SHLD1: variants seen among roughly 807,000 people sequenced by gnomAD.
SHLD1 encodes the protein RINN1-REV7-interacting novel NHEJ regulator 3.
In SHLD1, 3 loss-of-function variants were observed where a neutral mutation model predicts 5.5. That is an observed-to-expected ratio of 0.54 (90% CI 0.25 to 1.40). The LOEUF (loss-of-function observed/expected upper bound fraction) is 1.40. Ranked by LOEUF, SHLD1 falls within the 40% of genes most tolerant of loss-of-function variation. The pLI is 0.15. For missense variants in SHLD1, 210 were observed against 244.4 expected (o/e 0.86, Z 0.94); for synonymous variants, 92 against 94.3 (o/e 0.98, Z 0.14).
intron 2 of SHLD1, among the ~76,000 whole-genome samples, chr20:5,785,713 T>C (rs150837334): frequency 0.027 from 4,156 of 151,374 alleles, 188 homozygotes; most frequent in African/African-American, 0.095. Flanking sequence ...GGAGAATTGC[T>C]TGAACCCGGG....
chr20:5,856,390 G>A (rs1406451774), intron 2 of SHLD1, among the ~76,000 whole-genome samples: 1 of 152,202 alleles, frequency 6.6e-6, no homozygotes, highest in Non-Finnish European at 1.5e-5. Flanking sequence ...GCTGGAGGTG[G>A]GACTGAATCT....
chr20:5,753,858 G>T (rs1021705601), intron 1 of SHLD1, among the ~76,000 whole-genome samples: 1 of 152,080 alleles, frequency 6.6e-6, no homozygotes, highest in Non-Finnish European at 1.5e-5. Context: ...TGCCCCAAAT[G>T]GGGGAGATCC....
intron 2 of SHLD1, among the ~76,000 whole-genome samples, chr20:5,853,018 G>A (rs995702993): frequency 5.3e-5 from 8 of 152,112 alleles, no homozygotes; most frequent in African/African-American, 1.7e-4. Context: ...AAACATACAG[G>A]AAAGAGGTCT....
At chr20:5,838,277 T>C (rs2087813724) in intron 2 of SHLD1, among the ~76,000 whole-genome samples, 1 of 152,176 alleles carries the variant, frequency 6.6e-6, no homozygotes, top group South Asian at 2.1e-4. Context: ...ATGAGCATAT[T>C]AATTAGACAT....
At chr20:5,828,190 G>A (rs1241844871) in intron 2 of SHLD1, among the ~76,000 whole-genome samples, 1 of 152,080 alleles carries the variant, frequency 6.6e-6, no homozygotes, top group Non-Finnish European at 1.5e-5. Context: ...GACACCCTTT[G>A]TGTCACTTAT....
chr20:5,777,922 A>G (rs1282895588), intron 2 of SHLD1, among the ~76,000 whole-genome samples: 5 of 152,094 alleles, frequency 3.3e-5, no homozygotes, highest in African/African-American at 1.2e-4. Flanking sequence ...ATACTATTTT[A>G]TTCAAACTTA....
chr20:5,752,332 G>T (rs1450615070), intron 1 of SHLD1, among the ~76,000 whole-genome samples: 1 of 151,380 alleles, frequency 6.6e-6, no homozygotes, highest in African/African-American at 2.4e-5. Flanking sequence ...GGAGACAAAG[G>T]TTGCAGTGAG....
intron 2 of SHLD1, among the ~76,000 whole-genome samples, chr20:5,860,891 A>T (rs1396390482): frequency 4.2e-5 from 5 of 119,758 alleles, no homozygotes; most frequent in African/African-American, 2.1e-4. Context: ...AAAAAAAAAA[A>T]AAAAAAAAAA....
chr20:5,778,059 C>T lies in SHLD1; in HGVS notation c.178+5016C>T, dbSNP rs114105911. Among the ~76,000 whole-genome samples, 817 of 150,636 alleles carry T rather than the reference C, an allele frequency of 5.4e-3. 10 individuals are homozygous for T. The highest frequency in any genetic ancestry group is 0.019 in the African/African-American group (773 of 41,036). On this transcript the variant is annotated intron_variant, in intron 2 of 2. Coordinates refer to ENST00000303142, the MANE Select transcript of SHLD1 (RefSeq NM_152504.4). ...CAGGGCTGTGAGTGGTGGCTCATGC[C>T]TGTTATCTGGCATATCTGGTATATT...
intron 1 of SHLD1, among the ~76,000 whole-genome samples, chr20:5,757,259 T>C (rs551282489): frequency 6.6e-6 from 1 of 152,108 alleles, no homozygotes; most frequent in South Asian, 2.1e-4. Context: ...GTATTTTTAG[T>C]AGAGATGGGA....
At chr20:5,837,191 T>C (rs1600167826) in intron 2 of SHLD1, among the ~76,000 whole-genome samples, 1 of 152,252 alleles carries the variant, frequency 6.6e-6, no homozygotes, top group East Asian at 1.9e-4. Context: ...TTGGAGGGTA[T>C]GGGTAAAATT....
chr20:5,788,830 T>G (rs2122296584), intron 2 of SHLD1, among the ~76,000 whole-genome samples: 1 of 152,322 alleles, frequency 6.6e-6, no homozygotes, highest in Non-Finnish European at 1.5e-5. Context: ...CACACATGAA[T>G]AGTGATGTCT....
At chr20:5,755,968 T>C (rs556826913) in intron 1 of SHLD1, among the ~76,000 whole-genome samples, 2 of 152,312 alleles carry the variant, frequency 1.3e-5, no homozygotes, top group South Asian at 2.1e-4. Flanking sequence ...TTTGATTTCC[T>C]TCAGGGCCTG....
In SHLD1 at chr20:5,864,110, A is replaced by T. The variant is rs116819910; in HGVS notation, c.*647A>T. Among the ~76,000 whole-genome samples the T allele has an allele frequency of 4.6e-5, 7 of 152,308 alleles. No individual in the cohort carries two copies. Among genetic ancestry groups the T allele is most frequent in the African/African-American group, 1.4e-4 (6 of 41,574 alleles). ...ATTGAAATACAGTTGAGAAAAGTAT[A>T]TCACATCTTGATCACACCCTTGCCT... On this transcript the variant is annotated 3_prime_UTR_variant, in exon 3 of 3. Transcript: ENST00000303142.
chr20:5,810,626 G>T (rs2087445890), intron 2 of SHLD1, among the ~76,000 whole-genome samples: 1 of 151,910 alleles, frequency 6.6e-6, no homozygotes, highest in African/African-American at 2.4e-5. Flanking sequence ...TGGCATGATG[G>T]CTCACGCCTA....
At chr20:5,757,738 G>C (rs771881295) in intron 1 of SHLD1, among the ~76,000 whole-genome samples, 1 of 152,044 alleles carries the variant, frequency 6.6e-6, no homozygotes, top group Non-Finnish European at 1.5e-5. Flanking sequence ...GAGTACCTGG[G>C]ATTACAGGTG....
intron 2 of SHLD1, among the ~76,000 whole-genome samples, chr20:5,792,819 G>A (rs1217500592): frequency 1.3e-5 from 2 of 151,572 alleles, no homozygotes; most frequent in African/African-American, 4.8e-5. Context: ...GATTACAGGC[G>A]TGCGCCAATA....
intron 2 of SHLD1, among the ~76,000 whole-genome samples, chr20:5,838,764 C>T (rs35192054): frequency 0.046 from 7,025 of 152,036 alleles, 313 homozygotes; most frequent in East Asian, 0.22. Flanking sequence ...GGTGACGGAG[C>T]GAGACTCTGT....
chr20:5,766,493 T>C (rs1197244440), intron 1 of SHLD1, among the ~76,000 whole-genome samples: 1 of 152,222 alleles, frequency 6.6e-6, no homozygotes, highest in Non-Finnish European at 1.5e-5. Context: ...ATACTGGGGC[T>C]ATGCAGACAC....
Sources: gnomAD v4.1 joint callset for allele counts (sites outside exome capture counted in the v4.1 genomes callset) on GRCh38, gnomAD v4.1.1 for gene constraint, MANE v1.5 for transcripts, NCBI Gene and HGNC (gene_info 2026-07-23, HGNC 2026-07-21) for gene names.